Variants in EXT1 observed in about 807,000 individuals in gnomAD.
EXT1 encodes the protein exostosin-1.
A neutral mutation model predicts 82.5 loss-of-function variants in EXT1; 20 were observed. The ratio of observed to expected loss-of-function variants is 0.24; its 90% CI spans 0.17 to 0.35. EXT1 has a LOEUF of 0.35. Ranked by LOEUF, EXT1 falls within the 10% of genes least tolerant of loss-of-function variation. The pLI is 1.00. For missense variants in EXT1, 757 were observed against 936.5 expected (o/e 0.81, Z 2.50); for synonymous variants, 348 against 350.8 (o/e 0.99, Z 0.09).
At chr8:117,928,725 T>C (rs1257811521) in intron 1 of EXT1, among the ~76,000 whole-genome samples, 2 of 151,908 alleles carry the variant, frequency 1.3e-5, no homozygotes, top group Admixed American at 6.6e-5. Context: ...GAAAAGTGTA[T>C]GTGCAAAGCC....
intron 1 of EXT1, among the ~76,000 whole-genome samples, chr8:117,884,436 T>G (rs985667149): frequency 3.3e-5 from 5 of 152,174 alleles, no homozygotes; most frequent in African/African-American, 9.7e-5. Flanking sequence ...TGGAGGTAAG[T>G]GAGCTTTTTC....
intron 1 of EXT1, among the ~76,000 whole-genome samples, chr8:117,981,707 TAA>T (rs71569753): frequency 1.4e-5 from 2 of 143,154 alleles, no homozygotes; most frequent in African/African-American, 2.5e-5. Flanking sequence ...CCAGTTCTAC[TAA>T]AAAAAAAAAA....
intron 1 of EXT1, among the ~76,000 whole-genome samples, chr8:117,932,299 T>C (rs1249431434): frequency 1.3e-5 from 2 of 152,208 alleles, no homozygotes; most frequent in Non-Finnish European, 2.9e-5. Context: ...CTTAACCAAA[T>C]GCTGGCTGGG....
At chr8:117,923,835 G>C (rs1486343840) in intron 1 of EXT1, among the ~76,000 whole-genome samples, 1 of 152,208 alleles carries the variant, frequency 6.6e-6, no homozygotes, top group Non-Finnish European at 1.5e-5. Context: ...GCTGCATGGA[G>C]CACCACATTG....
intron 1 of EXT1, among the ~76,000 whole-genome samples, chr8:117,903,711 G>A (rs1813491570): frequency 6.6e-6 from 1 of 152,194 alleles, no homozygotes. Flanking sequence ...GCCACAGACA[G>A]TCTTTATCAA....
intron 4 of EXT1, among the ~76,000 whole-genome samples, chr8:117,823,413 C>A (rs17430133): frequency 0.23 from 34,167 of 151,714 alleles, 4,499 homozygotes; most frequent in Middle Eastern, 0.38. Context: ...GACTTTCAAA[C>A]TCTTACAATT....
At chr8:117,999,904 AAGG>A (rs1265990899) in intron 1 of EXT1, among the ~76,000 whole-genome samples, 1 of 152,108 alleles carries the variant, frequency 6.6e-6, no homozygotes, top group East Asian at 1.9e-4. Flanking sequence ...ATAAAGCTAA[AAGG>A]AGATTTTTCA....
At chr8:117,991,246 G>T (rs573150520) in intron 1 of EXT1, among the ~76,000 whole-genome samples, 175 of 152,074 alleles carry the variant, frequency 1.2e-3, no homozygotes, top group African/African-American at 4.0e-3. Flanking sequence ...AAGTAGCTGG[G>T]ACTACAGGTG....
At chr8:117,924,062 C>T (rs538048714) in intron 1 of EXT1, among the ~76,000 whole-genome samples, 7 of 152,334 alleles carry the variant, frequency 4.6e-5, no homozygotes, top group African/African-American at 1.4e-4. Context: ...ATTCGTATCA[C>T]GTGGGAGCAT....
rs185133447 is a variant in EXT1 at position 118,092,300 on chromosome 8, G to T, written c.962+17785C>A. 2.6e-3 allele frequency among the ~76,000 whole-genome samples: 402 copies of T among 152,126 alleles called. 2 individuals carry two copies. The highest frequency in any genetic ancestry group is 4.2e-3 in the Non-Finnish European group (287 of 68,000). ...TATACCATATCTTACCTTCTATTTG[G>T]GATCTAGAATTTCTAGACTAAAGAG... is the stretch of plus-strand genomic sequence containing the variant. On this transcript the variant is annotated intron_variant, in intron 1 of 10. Coordinates refer to ENST00000378204, the MANE Select transcript of EXT1 (RefSeq NM_000127.3).
rs1345306801 is a variant in EXT1 at position 118,111,355 on chromosome 8, AG to A, written c.-310del. ...AATTTTCTTGCATGCAACAAGACGG[AG>A]GAAAAGAAAGAGAGAGGGGAGAAAA... On this transcript the variant is annotated 5_prime_UTR_variant, in exon 1 of 11. Coordinates refer to ENST00000378204, the MANE Select transcript of EXT1 (RefSeq NM_000127.3). 3.6e-6 allele frequency: 2 copies of A among 562,186 alleles called. No individual in the cohort carries two copies. Among genetic ancestry groups the A allele is most frequent in the Non-Finnish European group, 6.3e-6 (2 of 318,000 alleles). 34.8% of individuals were successfully genotyped at this position (562,186 alleles called of 1,614,324 possible).
intron 1 of EXT1, among the ~76,000 whole-genome samples, chr8:117,927,822 G>C (rs1194863167): frequency 1.3e-5 from 2 of 152,154 alleles, no homozygotes; most frequent in African/African-American, 4.8e-5. Context: ...TTGAAATCCT[G>C]AACAATTTTT....
chr8:117,963,345 C>A (rs957735794), intron 1 of EXT1, among the ~76,000 whole-genome samples: 1 of 152,136 alleles, frequency 6.6e-6, no homozygotes, highest in African/African-American at 2.4e-5. Context: ...TCCTGTCCAG[C>A]CAGCCACCAC....
chr8:117,824,310 C>T (rs990812511), intron 4 of EXT1, among the ~76,000 whole-genome samples: 3 of 152,156 alleles, frequency 2.0e-5, no homozygotes, highest in Admixed American at 2.0e-4. Context: ...TTGTCATAGA[C>T]TATCTTTTTG....
intron 1 of EXT1, among the ~76,000 whole-genome samples, chr8:118,108,838 G>A (rs977444800): frequency 2.0e-5 from 3 of 152,124 alleles, no homozygotes; most frequent in Admixed American, 1.3e-4. Context: ...AATCAGGTTT[G>A]CGAAACATTT....
Position 117,930,717 on chromosome 8 carries a change from G to A in EXT1, c.963-93516C>T, listed in dbSNP as rs147303951. Among the ~76,000 whole-genome samples the A allele has an allele frequency of 4.0e-3, 610 of 152,330 alleles. 6 individuals carry two copies. The highest frequency in any genetic ancestry group is 6.2e-3 in the Non-Finnish European group (421 of 68,026). On this transcript the variant is annotated intron_variant, in intron 1 of 10. Coordinates refer to ENST00000378204, the MANE Select transcript of EXT1 (RefSeq NM_000127.3). ...TGACTCCATCTTGAGTAGGGGCTGGGTAAAATAAGGCAGAGACCTACTAGG... is the reference window on the plus strand; with the variant it reads ...TGACTCCATCTTGAGTAGGGGCTGGATAAAATAAGGCAGAGACCTACTAGG...
chr8:117,831,078 T>C (rs1434368486), intron 3 of EXT1, among the ~76,000 whole-genome samples: 1 of 152,178 alleles, frequency 6.6e-6, no homozygotes, highest in African/African-American at 2.4e-5. Flanking sequence ...TATTAAGAAA[T>C]AGGAGGTGAA....
chr8:118,074,392 G>A (rs1008222169), intron 1 of EXT1, among the ~76,000 whole-genome samples: 6 of 152,186 alleles, frequency 3.9e-5, no homozygotes, highest in African/African-American at 1.4e-4. Flanking sequence ...CTAAGTTGCA[G>A]GGAAGCTATT....
At chr8:117,894,110 A>G (rs1355023546) in intron 1 of EXT1, among the ~76,000 whole-genome samples, 2 of 152,060 alleles carry the variant, frequency 1.3e-5, no homozygotes, top group African/African-American at 4.8e-5. Context: ...TTGGGCCCCT[A>G]CTGCAATAGT....
Sources: allele counts gnomAD v4.1 joint callset (sites outside exome capture counted in the v4.1 genomes callset), GRCh38; gene constraint gnomAD v4.1.1; transcripts MANE v1.5; gene names NCBI Gene and HGNC (gene_info 2026-07-23, HGNC 2026-07-21).